Variants in MTG2 observed in about 807,000 individuals in gnomAD.
MTG2 encodes mitochondrial ribosome associated GTPase 2.
In MTG2, 23 loss-of-function variants were observed where a neutral mutation model predicts 28.6. That is an observed-to-expected ratio of 0.80 (90% CI 0.58 to 1.14). MTG2 has a LOEUF of 1.14. Among genes scored for constraint, MTG2 ranks in the 50% most tolerant of loss-of-function variants. MTG2 has a pLI of 0.00. For missense variants in MTG2, 539 were observed against 552.0 expected, an observed-to-expected ratio of 0.98 and a Z score of 0.24; for synonymous variants, 260 against 251.8, an observed-to-expected ratio of 1.03 and a Z score of -0.31.
Position 62,199,170 on chromosome 20 carries a change from G to C in MTG2, c.739G>C (p.Ala247Pro). 1.2e-6 allele frequency: 2 copies of C among 1,614,016 alleles called. No homozygotes were observed. The highest frequency in any genetic ancestry group is 2.2e-5 in the South Asian group (2 of 91,082). Residue 247 changes from alanine (A) to proline (P), a missense_variant, in exon 6 of 7, where the codon GCC becomes CCC. Coordinates refer to ENST00000370823, the MANE Select transcript of MTG2 (RefSeq NM_015666.4). ...CTCACTGCTCCGGGCCATTTCAAAC[G>C]CCAGACCCGCCGTGGCTTCCTACCC... ...KSSLLRAISN[A>P]RPAVASYPFT...
At chr20:62,196,209 T>A (rs1286931863) in intron 3 of MTG2, among the ~76,000 whole-genome samples, 1 of 150,990 alleles carries the variant, frequency 6.6e-6, no homozygotes, top group African/African-American at 2.4e-5. Flanking sequence ...CTACAAAAAA[T>A]TTTTGAAAAA....
At chr20:62,194,303 A>G (rs527474629) in intron 2 of MTG2, among the ~76,000 whole-genome samples, 1 of 152,296 alleles carries the variant, frequency 6.6e-6, no homozygotes, top group Non-Finnish European at 1.5e-5. Flanking sequence ...GATAAGCATT[A>G]CTGGGACAAA....
Position 62,197,898 on chromosome 20 carries a change from G to A in MTG2, c.399G>A (p.Gln133=). Residue 133 remains glutamine (Q), a synonymous_variant, in exon 4 of 7, where the codon CAG becomes CAA. Coordinates refer to ENST00000370823, the MANE Select transcript of MTG2 (RefSeq NM_015666.4). ...TGTCGTCGGTCCTGTCGCGGTACCA[G>A]GGTTTCAGTGGAGAAGATGGAGGGA... ...KSLSSVLSRY[Q]GFSGEDGGSK... is the part of the protein sequence containing the mutation. The A allele has an allele frequency of 6.2e-7, 1 of 1,614,250 alleles. No homozygotes were observed. The highest frequency in any genetic ancestry group is 8.5e-7 in the Non-Finnish European group (1 of 1,180,042).
chr20:62,190,982 G>T (rs1459138198), intron 1 of MTG2, among the ~76,000 whole-genome samples: 11 of 152,198 alleles, frequency 7.2e-5, no homozygotes, highest in Admixed American at 6.5e-4. Context: ...GAGCAGGCGG[G>T]GAGGTGGAGC....
In MTG2 at chr20:62,202,132, G is replaced by A; in HGVS notation, c.*1055G>A. ...TGCAGCAGCGCCTTTCCTGTCTGTG[G>A]TTTAAGTCTTTGCAGTCAAGTACTG... On this transcript the variant is annotated 3_prime_UTR_variant, in exon 7 of 7. Transcript: ENST00000370823. The A allele has an allele frequency of 6.6e-6, 1 of 152,388 alleles. No individual in the cohort carries two copies. The allele number at this position is 152,388 out of a possible 1,614,324, so 9.4% of individuals were successfully genotyped here.
intron 5 of MTG2, 81 bp downstream of exon 5, chr20:62,198,933 G>A: frequency 6.3e-7 from 1 of 1,580,172 alleles, no homozygotes. Context: ...TTTGCCAGTG[G>A]CCTGGAAGAG....
chr20:62,201,048 G>T lies in MTG2; in HGVS notation c.1192G>T (p.Gly398Cys). The T allele has an allele frequency of 1.9e-6, 3 of 1,599,356 alleles. No homozygotes were observed. The highest frequency in any genetic ancestry group is 2.6e-6 in the Non-Finnish European group (3 of 1,174,502). ...LYDAYAEAEL[G>C]QGRQPLRW ...TGACGCCTACGCGGAGGCCGAGCTGGGCCAGGGCCGCCAGCCGCTCAGGTG... is the reference window on the plus strand; with the variant it reads ...TGACGCCTACGCGGAGGCCGAGCTGTGCCAGGGCCGCCAGCCGCTCAGGTG... The change falls in exon 7 of 7, where the codon GGC becomes TGC. Residue 398 changes from glycine to cysteine, a missense_variant. Physicochemically the swap from Gly to Cys is radical, Grantham distance 159. Coordinates refer to ENST00000370823, the MANE Select transcript of MTG2 (RefSeq NM_015666.4).
intron 5 of MTG2, 96 bp from the exon 6 acceptor site, chr20:62,199,023 C>T: frequency 6.3e-7 from 1 of 1,579,416 alleles, no homozygotes; most frequent in South Asian, 1.1e-5. Flanking sequence ...ACTCCCCCAG[C>T]CCTGAAATCC....
Position 62,200,914 on chromosome 20 carries a change from A to G in MTG2, c.1058A>G (p.Gln353Arg). ...AACAAGATTGACCTCCCTGAAGCCC[A>G]AGCCAATCTGTCCCAGCTCCGGGAT... ...VANKIDLPEA[Q>R]ANLSQLRDHL... is the part of the protein sequence containing the mutation. The change falls in exon 7 of 7, where the codon CAA (glutamine) becomes CGA (arginine). Residue 353 changes from glutamine to arginine, a missense_variant. Coordinates refer to ENST00000370823, the MANE Select transcript of MTG2 (RefSeq NM_015666.4). The G allele has an allele frequency of 6.2e-7, 1 of 1,614,074 alleles. No homozygotes were observed. The highest frequency in any genetic ancestry group is 8.5e-7 in the Non-Finnish European group (1 of 1,180,048).
chr20:62,199,692 C>CTTTT lies in MTG2; in HGVS notation c.826+452_826+455dup, dbSNP rs576466526. Among the ~76,000 whole-genome samples the CTTTT allele has an allele frequency of 2.0e-4, 18 of 90,624 alleles. 1 individual carries two copies. Among genetic ancestry groups the CTTTT allele is most frequent in the African/African-American group, 2.9e-4 (7 of 24,130 alleles). 59.5% of individuals were successfully genotyped at this position (90,624 alleles called of 152,430 possible). On this transcript the variant is annotated intron_variant, in intron 6 of 6. Transcript: ENST00000370823. Reference sequence around the variant, plus strand: ...GCATTGTTTTTCCTAATGTAAACAACTTTTTTTTTTTTTTTTTTTTGAGAC... The same window carrying CTTTT: ...GCATTGTTTTTCCTAATGTAAACAACTTTTTTTTTTTTTTTTTTTTTTTTGAGAC...
intron 3 of MTG2, chr20:62,197,337 C>G (rs6062138): frequency 0.35 from 53,250 of 152,110 alleles, 9,717 homozygotes; most frequent in East Asian, 0.66. Flanking sequence ...ACAGATGTTG[C>G]AGTGAGCCAA....
rs941695013 is a variant in MTG2, at chr20:62,203,539, A to T, written c.*2462A>T. ...GCTTTTCAAATGGGATATATGATTC[A>T]CATACCATAAAATTCACCACTTTAT... On this transcript the variant is annotated 3_prime_UTR_variant, in exon 7 of 7. Transcript: ENST00000370823. 1 of 152,228 alleles carries T rather than the reference A, an allele frequency of 6.6e-6. No individual in the cohort carries two copies. Among genetic ancestry groups the T allele is most frequent in the Non-Finnish European group, 1.5e-5 (1 of 68,040 alleles). The allele number at this position is 152,228 out of a possible 1,614,324, so 9.4% of individuals were successfully genotyped here.
In MTG2 at chr20:62,200,682, G is replaced by T; in HGVS notation, c.827-1G>T. On this transcript the variant is annotated splice_acceptor_variant, in intron 6 of 6. Transcript: ENST00000370823. LOFTEE classifies it high-confidence loss of function. ...CTCGTGTGCCCCTGTCTTCCCTGCAGTGGCCGACATCCCCGGCATCATACG... is the reference window on the plus strand; with the variant it reads ...CTCGTGTGCCCCTGTCTTCCCTGCATTGGCCGACATCCCCGGCATCATACG... The T allele has an allele frequency of 6.2e-7, 1 of 1,602,910 alleles. No homozygotes were observed.
At chr20:62,191,395 C>G (rs533645208) in intron 1 of MTG2, among the ~76,000 whole-genome samples, 55 of 152,206 alleles carry the variant, frequency 3.6e-4, no homozygotes, top group Non-Finnish European at 6.6e-4. Flanking sequence ...CTAGGAAACA[C>G]ACATGGACTG....
chr20:62,199,574 A>G (rs1293838005), intron 6 of MTG2, among the ~76,000 whole-genome samples: 1 of 149,578 alleles, frequency 6.7e-6, no homozygotes, highest in African/African-American at 2.5e-5. Flanking sequence ...TGAACCCAGA[A>G]GGCAAAGCTT....
At chr20:62,191,551 C>T (rs1035912643) in intron 1 of MTG2, among the ~76,000 whole-genome samples, 3 of 152,150 alleles carry the variant, frequency 2.0e-5, no homozygotes, top group Non-Finnish European at 4.4e-5. Flanking sequence ...GATAGTGACC[C>T]CCCCAAAGGA....
rs750185399 is a variant in MTG2 at position 62,200,958 on chromosome 20, A to G, written c.1102A>G (p.Ile368Val). 2.5e-6 allele frequency: 4 copies of G among 1,614,038 alleles called. No homozygotes were observed. The South Asian group carries it at 4.4e-5, about 18-fold the overall frequency. ...CCGGGATCACTTGGGACAGGAGGTCATCGTGCTGTCGGCGTTGACCGGCGA... is the reference window on the plus strand; with the variant it reads ...CCGGGATCACTTGGGACAGGAGGTCGTCGTGCTGTCGGCGTTGACCGGCGA... ...QLRDHLGQEV[I>V]VLSALTGENL... Residue 368 changes from isoleucine to valine, a missense_variant, in exon 7 of 7, where the codon ATC becomes GTC. Physicochemically the swap from Ile to Val is conservative, Grantham distance 29. Coordinates refer to ENST00000370823, the MANE Select transcript of MTG2 (RefSeq NM_015666.4).
At position 62,197,909 on chromosome 20, in the gene MTG2, G is replaced by A; in HGVS notation, c.410G>A (p.Gly137Glu). The A allele has an allele frequency of 6.2e-7, 1 of 1,614,232 alleles. No homozygotes were observed. Among genetic ancestry groups the A allele is most frequent in the East Asian group, 2.2e-5 (1 of 44,882 alleles). The change falls in exon 4 of 7, where the codon GGA (glycine) becomes GAA (glutamate). Residue 137 changes from glycine to glutamate, a missense_variant. Gly to Glu is a moderately conservative substitution (Grantham distance 98). Coordinates refer to ENST00000370823, the MANE Select transcript of MTG2 (RefSeq NM_015666.4). Reference sequence around the variant, plus strand: ...CTGTCGCGGTACCAGGGTTTCAGTGGAGAAGATGGAGGGAGTAAAAACTGC... The same window carrying A: ...CTGTCGCGGTACCAGGGTTTCAGTGAAGAAGATGGAGGGAGTAAAAACTGC... ...SVLSRYQGFS[G>E]EDGGSKNCFG... is the part of the protein sequence containing the mutation.
Position 62,198,671 on chromosome 20 carries a change from T to C in MTG2, c.506T>C (p.Val169Ala), listed in dbSNP as rs1473692967. ...ACGCTGGTGAAGGAGGGAGGCAGAGTTGTGGCCGACCTGTCTTGCGTGGGA... is the reference window on the plus strand; with the variant it reads ...ACGCTGGTGAAGGAGGGAGGCAGAGCTGTGGCCGACCTGTCTTGCGTGGGA... ...VGTLVKEGGR[V>A]VADLSCVGDE... The change falls in exon 5 of 7, where the codon GTT becomes GCT. Residue 169 changes from valine (V) to alanine (A), a missense_variant. Val to Ala is a moderately conservative substitution (Grantham distance 64). Transcript: ENST00000370823. The C allele has an allele frequency of 3.1e-6, 5 of 1,613,890 alleles. No individual in the cohort carries two copies. Among genetic ancestry groups the C allele is most frequent in the African/African-American group, 1.3e-5 (1 of 74,918 alleles).
Sources: allele counts gnomAD v4.1 joint callset (sites outside exome capture counted in the v4.1 genomes callset), GRCh38; gene constraint gnomAD v4.1.1; transcripts MANE v1.5; gene names NCBI Gene and HGNC (gene_info 2026-07-23, HGNC 2026-07-21).